Variants in ZBTB6 observed in about 807,000 individuals in gnomAD.
ZBTB6 encodes zinc finger and BTB domain containing 6.
Under a neutral mutation model 30.6 loss-of-function variants are expected in ZBTB6, and 11 were observed. The observed-to-expected ratio is 0.36, with a 90% CI of 0.23 to 0.60. ZBTB6 has a LOEUF of 0.60. ZBTB6 is among the 20% of genes least tolerant of loss of function. The probability of loss-of-function intolerance (pLI) is 0.75; values close to 1 mark genes in which losing one functional copy is unlikely to be tolerated. For synonymous variants in ZBTB6, 174 were observed against 172.0 expected (o/e 1.01, Z -0.09); for missense variants, 380 against 489.4 (o/e 0.78, Z 2.11).
In ZBTB6 at chr9:122,912,079, A is replaced by G. The variant is rs1832959146; in HGVS notation, c.-7T>C. The G allele has an allele frequency of 6.2e-7, 1 of 1,601,000 alleles. No homozygotes were observed. Among genetic ancestry groups the G allele is most frequent in the Non-Finnish European group, 8.5e-7 (1 of 1,172,982 alleles). ...CATCAGACTCAGCAGCCATGATCAC[A>G]ATCTAAGCAAAATAAAACACAAACA... On this transcript the variant is annotated splice_region_variant and 5_prime_UTR_variant, in exon 2 of 2. Transcript: ENST00000373659.
intron 1 of ZBTB6, 150 bp downstream of exon 1, chr9:122,913,101 G>C (rs1832970187): frequency 8.5e-6 from 2 of 235,166 alleles, no homozygotes; most frequent in African/African-American, 2.3e-5. Flanking sequence ...AGGTATTCTG[G>C]AGGCAACCCT....
Position 122,910,742 on chromosome 9 carries a change from G to C in ZBTB6, c.*56C>G, listed in dbSNP as rs1564331512. 6.8e-7 allele frequency: 1 copy of C among 1,460,134 alleles called. No individual in the cohort carries two copies. Among genetic ancestry groups the C allele is most frequent in the Non-Finnish European group, 9.2e-7 (1 of 1,081,222 alleles). 90.4% of individuals were successfully genotyped at this position (1,460,134 alleles called of 1,614,324 possible). A position where few individuals can be genotyped will look rare whatever the true frequency, so the allele number is the denominator to read the frequency against. On this transcript the variant is annotated 3_prime_UTR_variant, in exon 2 of 2. Coordinates refer to ENST00000373659, the MANE Select transcript of ZBTB6 (RefSeq NM_006626.6). The stretch of plus-strand genomic sequence containing the variant: ...ATATTACAAATGCTGCATCTCTACA[G>C]AAAGACTTGCGTAATAGAATAATAC...
chr9:122,911,497 A>G lies in ZBTB6; in HGVS notation c.576T>C (p.Ser192=), dbSNP rs1832954136. ...TCATTTCCTTTCTCTCTGATGTCAGACTCTCTACTGTAGACTGCAAAGCAT... is the reference window on the plus strand; with the variant it reads ...TCATTTCCTTTCTCTCTGATGTCAGGCTCTCTACTGTAGACTGCAAAGCAT... ...ESNALQSTVE[S]LTSERKEMKS... The change falls in exon 2 of 2, where the codon AGT becomes AGC. Residue 192 remains serine, a synonymous_variant. Coordinates refer to ENST00000373659, the MANE Select transcript of ZBTB6 (RefSeq NM_006626.6). The surrounding 1 kb of genome is among the most constrained non-coding windows in gnomAD (Gnocchi z 4.5). The G allele has an allele frequency of 6.2e-7, 1 of 1,613,890 alleles. No homozygotes were observed. The highest frequency in any genetic ancestry group is 1.3e-5 in the African/African-American group (1 of 74,960).
Position 122,910,701 on chromosome 9 carries a change from A to T in ZBTB6, c.*97T>A, listed in dbSNP as rs1036840926. 5 of 1,216,510 alleles carry T rather than the reference A, an allele frequency of 4.1e-6. No individual in the cohort carries two copies. The African/African-American group carries it at 7.7e-5, about 19-fold the overall frequency. The allele number at this position is 1,216,510 out of a possible 1,614,324, so 75.4% of individuals were successfully genotyped here. ...TAAGCCGACAAAATATAAGAAACAAAGATTGGGGGGATGAAATATTACAAA... is the reference window on the plus strand; with the variant it reads ...TAAGCCGACAAAATATAAGAAACAATGATTGGGGGGATGAAATATTACAAA... On this transcript the variant is annotated 3_prime_UTR_variant, in exon 2 of 2. Transcript: ENST00000373659.
In ZBTB6 at chr9:122,908,860, A is replaced by T. The variant is rs1184554364; in HGVS notation, c.*1938T>A. On this transcript the variant is annotated 3_prime_UTR_variant, in exon 2 of 2. Transcript: ENST00000373659. The stretch of plus-strand genomic sequence containing the variant: ...ATGGAGTACTTAAGTAACAAAGTTC[A>T]TAAAGACACAAAACCGTCCTCTCTT... 6.6e-6 allele frequency: 1 copy of T among 152,232 alleles called. No homozygotes were observed. Among genetic ancestry groups the T allele is most frequent in the Non-Finnish European group, 1.5e-5 (1 of 68,034 alleles). 9.4% of individuals were successfully genotyped at this position (152,232 alleles called of 1,614,324 possible).
chr9:122,912,188 G>A (rs1484760516), intron 1 of ZBTB6, 107 bp from the exon 2 acceptor site: 4 of 1,157,018 alleles, frequency 3.5e-6, no homozygotes, highest in South Asian at 1.6e-5. Context: ...TTAGGAAGAA[G>A]AAGACTCAAA....
chr9:122,911,466 G>T lies in ZBTB6; in HGVS notation c.607C>A (p.Pro203Thr), dbSNP rs1832953821. Reference sequence around the variant, plus strand: ...CCTATGTCTACTGTAGACAGCTCTGGTGACTTCATTTCCTTTCTCTCTGAT... The same window carrying T: ...CCTATGTCTACTGTAGACAGCTCTGTTGACTTCATTTCCTTTCTCTCTGAT... The part of the protein sequence containing the change: ...LTSERKEMKS[P>T]ELSTVDIGFK... The change falls in exon 2 of 2, where the codon CCA becomes ACA. Residue 203 changes from proline (P) to threonine (T), a missense_variant. Physicochemically the swap from Pro to Thr is conservative, Grantham distance 38 (BLOSUM62 -1). Coordinates refer to ENST00000373659, the MANE Select transcript of ZBTB6 (RefSeq NM_006626.6). The surrounding 1 kb of genome is among the most constrained non-coding windows in gnomAD (Gnocchi z 4.5). 8.1e-6 allele frequency: 13 copies of T among 1,614,108 alleles called. No individual in the cohort carries two copies. The highest frequency in any genetic ancestry group is 1.1e-5 in the Non-Finnish European group (13 of 1,180,036).
Position 122,911,100 on chromosome 9 carries a change from G to GCAC in ZBTB6, c.972_973insGTG (p.Lys324_Leu325insVal). ...TTTCCGCACTGTAAGCATAAGAATA[G>GCAC]TTTATGCATTTTAAGGTGGCGCAGA... is the stretch of plus-strand genomic sequence containing the variant. On this transcript the variant is annotated inframe_insertion, in exon 2 of 2. Transcript: ENST00000373659. This position sits in a 1 kb window ranked among gnomAD's most constrained non-coding sequence, Gnocchi z 4.5. 1 of 1,614,204 alleles carries GCAC rather than the reference G, an allele frequency of 6.2e-7. No individual in the cohort carries two copies. Among genetic ancestry groups the GCAC allele is most frequent in the South Asian group, 1.1e-5 (1 of 91,090 alleles).
Position 122,910,661 on chromosome 9 carries a change from A to G in ZBTB6, c.*137T>C. ...ACTTTGGAACTGTTAGAAGTTCAGA[A>G]AGAATGATTATGTGTAAGCCGACAA... On this transcript the variant is annotated 3_prime_UTR_variant, in exon 2 of 2. Transcript: ENST00000373659. 1.1e-6 allele frequency: 1 copy of G among 889,926 alleles called. No homozygotes were observed. Among genetic ancestry groups the G allele is most frequent in the Non-Finnish European group, 1.7e-6 (1 of 601,166 alleles). 55.1% of individuals were successfully genotyped at this position (889,926 alleles called of 1,614,324 possible).
In ZBTB6 at chr9:122,912,099, C is replaced by A; in HGVS notation, c.-9-18G>T. ...ATCACAATCTAAGCAAAATAAAACACAAACATTGATGTAATAAGGATAGGG... is the reference window on the plus strand; with the variant it reads ...ATCACAATCTAAGCAAAATAAAACAAAAACATTGATGTAATAAGGATAGGG... On this transcript the variant is annotated intron_variant, in intron 1 of 1. Transcript: ENST00000373659. The A allele has an allele frequency of 6.3e-7, 1 of 1,585,822 alleles. No individual in the cohort carries two copies.
At position 122,913,287 on chromosome 9, in the gene ZBTB6, C is replaced by T. The variant is rs1307718622; in HGVS notation, c.-46G>A. On this transcript the variant is annotated 5_prime_UTR_variant, in exon 1 of 2. Coordinates refer to ENST00000373659, the MANE Select transcript of ZBTB6 (RefSeq NM_006626.6). ...ACTAGAGTCAAGGATTCCGCGGCAGCGTCTGCCCAAGCCGGAAGATGGACT... is the reference window on the plus strand; with the variant it reads ...ACTAGAGTCAAGGATTCCGCGGCAGTGTCTGCCCAAGCCGGAAGATGGACT... 4.1e-6 allele frequency: 4 copies of T among 985,804 alleles called. No individual in the cohort carries two copies. Among genetic ancestry groups the T allele is most frequent in the South Asian group, 4.7e-5 (1 of 21,288 alleles). The allele number at this position is 985,804 out of a possible 1,614,324, so 61.1% of individuals were successfully genotyped here. A position where few individuals can be genotyped will look rare whatever the true frequency, so the allele number is the denominator to read the frequency against.
rs1250161029 is a variant in ZBTB6 at position 122,910,705 on chromosome 9, T to TG, written c.*92dup. 38 of 1,224,498 alleles carry TG rather than the reference T, an allele frequency of 3.1e-5. No homozygotes were observed. The East Asian group carries it at 8.9e-4, about 29-fold the overall frequency. The allele number at this position is 1,224,498 out of a possible 1,614,324, so 75.9% of individuals were successfully genotyped here. On this transcript the variant is annotated 3_prime_UTR_variant, in exon 2 of 2. Coordinates refer to ENST00000373659, the MANE Select transcript of ZBTB6 (RefSeq NM_006626.6). ...CCGACAAAATATAAGAAACAAAGAT[T>TG]GGGGGGATGAAATATTACAAATGCT... is the stretch of plus-strand genomic sequence containing the variant.
Position 122,911,305 on chromosome 9 carries a change from G to A in ZBTB6, c.768C>T (p.Ile256=), listed in dbSNP as rs1280248769. Residue 256 remains isoleucine (I), a synonymous_variant, in exon 2 of 2, where the codon ATC becomes ATT. Coordinates refer to ENST00000373659, the MANE Select transcript of ZBTB6 (RefSeq NM_006626.6). This position sits in a 1 kb window ranked among gnomAD's most constrained non-coding sequence, Gnocchi z 4.5. ...CCACTCTGCTCTCAACTGTAGAATT[G>A]ATCAATGAATGCTGTGTTTCAGAGA... ...MYFSETQHSL[I]NSTVESRVAE... The A allele has an allele frequency of 3.1e-6, 5 of 1,614,042 alleles. No individual in the cohort carries two copies. Among genetic ancestry groups the A allele is most frequent in the Admixed American group, 1.7e-5 (1 of 60,028 alleles).
In ZBTB6 at chr9:122,911,629, A is replaced by G. The variant is rs757792817; in HGVS notation, c.444T>C (p.Pro148=). The G allele has an allele frequency of 6.2e-7, 1 of 1,613,482 alleles. No homozygotes were observed. The highest frequency in any genetic ancestry group is 2.2e-5 in the East Asian group (1 of 44,882). ...QHTDLCQSSD[P]DVKNEDENSD... is the part of the protein sequence containing the mutation. ...AATTTTCATCTTCATTCTTAACATC[A>G]GGATCAGAAGACTGACACAGGTCAG... The change falls in exon 2 of 2, where the codon CCT becomes CCC. Residue 148 remains proline (P), a synonymous_variant. Coordinates refer to ENST00000373659, the MANE Select transcript of ZBTB6 (RefSeq NM_006626.6). The surrounding 1 kb of genome is among the most constrained non-coding windows in gnomAD (Gnocchi z 4.5).
chr9:122,911,126 T>C lies in ZBTB6; in HGVS notation c.947A>G (p.Tyr316Cys), dbSNP rs1325321217. ...CPRGFLHVEN[Y>C]LRHLKMHKLF... ...TTTATGCATTTTAAGGTGGCGCAGATAGTTTTCAACATGAAGAAAGCCTCG... is the reference window on the plus strand; with the variant it reads ...TTTATGCATTTTAAGGTGGCGCAGACAGTTTTCAACATGAAGAAAGCCTCG... The change falls in exon 2 of 2, where the codon TAT becomes TGT. Residue 316 changes from tyrosine (Y) to cysteine (C), a missense_variant. Tyr to Cys is a radical substitution (Grantham distance 194). Coordinates refer to ENST00000373659, the MANE Select transcript of ZBTB6 (RefSeq NM_006626.6). This position sits in a 1 kb window ranked among gnomAD's most constrained non-coding sequence, Gnocchi z 4.5. 6.8e-6 allele frequency: 11 copies of C among 1,614,094 alleles called. No individual in the cohort carries two copies. Among genetic ancestry groups the C allele is most frequent in the African/African-American group, 6.7e-5 (5 of 74,926 alleles).
chr9:122,908,417 A>G lies in ZBTB6; in HGVS notation c.*2381T>C, dbSNP rs977314695. The stretch of plus-strand genomic sequence containing the variant: ...TGAACAGGAATAAATAATATAAATA[A>G]TAACCATCACTTTCACAAAACACCC... On this transcript the variant is annotated 3_prime_UTR_variant, in exon 2 of 2. Coordinates refer to ENST00000373659, the MANE Select transcript of ZBTB6 (RefSeq NM_006626.6). 2 of 152,640 alleles carry G rather than the reference A, an allele frequency of 1.3e-5. No homozygotes were observed. The highest frequency in any genetic ancestry group is 1.3e-4 in the Admixed American group (2 of 15,284). 9.5% of individuals were successfully genotyped at this position (152,640 alleles called of 1,614,324 possible). A position where few individuals can be genotyped will look rare whatever the true frequency, so the allele number is the denominator to read the frequency against.
intron 1 of ZBTB6, among the ~76,000 whole-genome samples, chr9:122,912,895 C>T (rs187161982): frequency 6.6e-6 from 1 of 152,308 alleles, no homozygotes; most frequent in East Asian, 1.9e-4. Context: ...TGATTAGGCT[C>T]CTTTAAGCCC....
chr9:122,909,638 C>A lies in ZBTB6; in HGVS notation c.*1160G>T, dbSNP rs992796906. 3 of 152,122 alleles carry A rather than the reference C, an allele frequency of 2.0e-5. No individual in the cohort carries two copies. The highest frequency in any genetic ancestry group is 7.2e-5 in the African/African-American group (3 of 41,420). The allele number at this position is 152,122 out of a possible 1,614,324, so 9.4% of individuals were successfully genotyped here. A position where few individuals can be genotyped will look rare whatever the true frequency, so the allele number is the denominator to read the frequency against. On this transcript the variant is annotated 3_prime_UTR_variant, in exon 2 of 2. Transcript: ENST00000373659. ...TGAAAAAATACAACACTAATAGCTA[C>A]ACCTTTTTAAATTGCTCATCTAGTA... is the stretch of plus-strand genomic sequence containing the variant.
rs1182196242 is a variant in ZBTB6 at position 122,910,679 on chromosome 9, G to A, written c.*119C>T. 15 of 1,057,506 alleles carry A rather than the reference G, an allele frequency of 1.4e-5. No individual in the cohort carries two copies. The East Asian group carries it at 3.4e-4, about 24-fold the overall frequency. The allele number at this position is 1,057,506 out of a possible 1,614,324, so 65.5% of individuals were successfully genotyped here. A position where few individuals can be genotyped will look rare whatever the true frequency, so the allele number is the denominator to read the frequency against. On this transcript the variant is annotated 3_prime_UTR_variant, in exon 2 of 2. Coordinates refer to ENST00000373659, the MANE Select transcript of ZBTB6 (RefSeq NM_006626.6). ...GTTCAGAAAGAATGATTATGTGTAA[G>A]CCGACAAAATATAAGAAACAAAGAT...
Sources: gnomAD v4.1 joint callset for allele counts (sites outside exome capture counted in the v4.1 genomes callset) on GRCh38, gnomAD v4.1.1 for gene constraint, Gnocchi (gnomAD v3.1) non-coding constraint, MANE v1.5 for transcripts, NCBI Gene and HGNC (gene_info 2026-07-23, HGNC 2026-07-21) for gene names.